CHLSN: variants seen among roughly 807,000 people sequenced by gnomAD.
CHLSN encodes cholesin.
chr7:997,685 A>G, the CHLSN span: 4 of 1,610,730 alleles, frequency 2.5e-6, no homozygotes, highest in African/African-American at 4.0e-5. Context: ...GGGGGGGATC[A>G]GAGCCCTCCT....
the CHLSN span, among the ~76,000 whole-genome samples, chr7:1,095,727 G>A: frequency 1.8e-4 from 28 of 152,356 alleles, no homozygotes; most frequent in South Asian, 1.7e-3. Context: ...GTCACTGCTC[G>A]AAGCCTTAAA....
At chr7:1,060,644 G>C in the CHLSN span, among the ~76,000 whole-genome samples, 1 of 152,218 alleles carries the variant, frequency 6.6e-6, no homozygotes, top group Non-Finnish European at 1.5e-5. Flanking sequence ...CGCGGCTCTG[G>C]GTGGCTCCTG....
At chr7:1,035,691 T>C in the CHLSN span, among the ~76,000 whole-genome samples, 4 of 152,170 alleles carry the variant, frequency 2.6e-5, no homozygotes, top group African/African-American at 9.7e-5. Context: ...CTGTGGGAAG[T>C]GACTGCAAAA....
At chr7:990,014 C>T in the CHLSN span, among the ~76,000 whole-genome samples, 1 of 29,892 alleles carries the variant, frequency 3.3e-5, no homozygotes, top group Non-Finnish European at 6.0e-5. Context: ...GTGAGTGGCG[C>T]GTGTGCTGGG....
the CHLSN span, among the ~76,000 whole-genome samples, chr7:1,076,793 G>A: frequency 1.3e-5 from 2 of 152,262 alleles, no homozygotes; most frequent in Non-Finnish European, 1.5e-5. Flanking sequence ...GGGGAGGAGA[G>A]CATGGGGACT....
At chr7:988,242 G>A in the CHLSN span, 3 of 1,546,636 alleles carry the variant, frequency 1.9e-6, no homozygotes, top group Admixed American at 3.8e-5. Flanking sequence ...ATCTTCCCCG[G>A]GGCCCCTCTC....
At chr7:1,041,214 C>CGGGACCTGGGCTCCGCGCTGTGGGGAAG in the CHLSN span, among the ~76,000 whole-genome samples, 7 of 107,478 alleles carry the variant, frequency 6.5e-5, no homozygotes, top group African/African-American at 3.2e-4. Flanking sequence ...CTGCAGGGAA[C>CGGGACCTGGGCTCCGCGCTGTGGGGAAG]GGGACCTGGG....
At chr7:988,564 G>C in the CHLSN span, 6 of 1,598,856 alleles carry the variant, frequency 3.8e-6, no homozygotes, top group African/African-American at 5.4e-5. Context: ...GCTCCCCTGG[G>C]GAGGTCCCCA....
chr7:1,133,001 G>A, the CHLSN span, among the ~76,000 whole-genome samples: 1 of 152,120 alleles, frequency 6.6e-6, no homozygotes, highest in Non-Finnish European at 1.5e-5. Context: ...GGCAGTATGT[G>A]CCTAATATTC....
chr7:1,025,372 A>C, the CHLSN span: 1 of 152,424 alleles, frequency 6.6e-6, no homozygotes, highest in South Asian at 2.1e-4. Flanking sequence ...CAGGAAACTC[A>C]CTGGGGTGTG....
chr7:1,012,067 C>T, the CHLSN span, among the ~76,000 whole-genome samples: 83 of 152,386 alleles, frequency 5.4e-4, no homozygotes, highest in African/African-American at 1.8e-3. Flanking sequence ...CAGCCGCCAA[C>T]GGGGCAGGCA....
the CHLSN span, chr7:1,057,531 T>C: frequency 1.3e-6 from 1 of 770,746 alleles, no homozygotes; most frequent in African/African-American, 1.7e-5. Context: ...GAGCTGCAGC[T>C]GGTTCAACGG....
chr7:1,016,101 A>ACACAGCAGCG, the CHLSN span, among the ~76,000 whole-genome samples: 14 of 110,034 alleles, frequency 1.3e-4, no homozygotes, highest in South Asian at 2.7e-4. Context: ...GCACAGCAGC[A>ACACAGCAGCG]CACAGCAGCG....
the CHLSN span, chr7:1,091,305 T>G: frequency 6.1e-6 from 1 of 164,724 alleles, no homozygotes; most frequent in South Asian, 1.9e-4. Flanking sequence ...CCAGTGCTCC[T>G]GACACACCCA....
At chr7:1,005,283 C>T in the CHLSN span, among the ~76,000 whole-genome samples, 1 of 152,172 alleles carries the variant, frequency 6.6e-6, no homozygotes, top group Non-Finnish European at 1.5e-5. Context: ...GAGTGAGACT[C>T]CATCTCAAAA....
At chr7:1,070,407 G>A in the CHLSN span, among the ~76,000 whole-genome samples, 56 of 120,572 alleles carry the variant, frequency 4.6e-4, 5 homozygotes, top group Admixed American at 1.9e-3. Context: ...GGTGAGGGGC[G>A]CCTCTGCCCG....
chr7:1,001,105 C>T, the CHLSN span, among the ~76,000 whole-genome samples: 6 of 152,130 alleles, frequency 3.9e-5, no homozygotes, highest in Non-Finnish European at 8.8e-5. Context: ...CAGGCAGCTG[C>T]GGATGGAGCG....
chr7:1,062,604 G>A, the CHLSN span, among the ~76,000 whole-genome samples: 2 of 152,130 alleles, frequency 1.3e-5, no homozygotes, highest in Non-Finnish European at 1.5e-5. Flanking sequence ...ACTCCTCCCA[G>A]AAAAATAAGA....
the CHLSN span, among the ~76,000 whole-genome samples, chr7:1,068,709 A>G: frequency 0.019 from 2,921 of 152,058 alleles, 109 homozygotes; most frequent in East Asian, 0.18. Flanking sequence ...CGAAAGTTTT[A>G]CTCGTCTGCA....
Sources: gnomAD v4.1 joint callset for allele counts (sites outside exome capture counted in the v4.1 genomes callset) on GRCh38, gnomAD v4.1.1 for gene constraint, MANE v1.5 for transcripts, NCBI Gene and HGNC (gene_info 2026-07-23, HGNC 2026-07-21) for gene names.